CSN2: variants seen among roughly 807,000 people sequenced by gnomAD.
CSN2 encodes the protein beta-casein.
CSN2 carries 27 observed loss-of-function variants against 27.3 expected under a neutral mutation model. The ratio of observed to expected loss-of-function variants is 0.99; its 90% CI spans 0.73 to 1.36. The LOEUF (loss-of-function observed/expected upper bound fraction) is 1.36. CSN2 is among the 40% of genes most tolerant of loss of function. The pLI is 0.00. For synonymous variants in CSN2, 131 were observed against 94.8 expected (o/e 1.38, Z -2.22); for missense variants, 333 against 264.5 (o/e 1.26, Z -1.80).
At chr4:69,957,925 A>G (rs1473686236) in intron 5 of CSN2, 121 bp from the exon 6 acceptor site, 1 of 977,172 alleles carries the variant, frequency 1.0e-6, no homozygotes, top group African/African-American at 1.7e-5. Flanking sequence ...AAAATATTTC[A>G]CTTATTTTGG....
At chr4:69,964,713 A>G (rs1050572802) in intron 1 of CSN2, among the ~76,000 whole-genome samples, 11 of 150,596 alleles carry the variant, frequency 7.3e-5, no homozygotes, top group Non-Finnish European at 1.6e-4. Context: ...AGCATTTTCT[A>G]TATTTTATAA....
At chr4:69,962,016 C>T (rs2109747323) in intron 1 of CSN2, among the ~76,000 whole-genome samples, 1 of 152,188 alleles carries the variant, frequency 6.6e-6, no homozygotes, top group African/African-American at 2.4e-5. Context: ...CCTAGGAATC[C>T]AACTTACAAG....
intron 1 of CSN2, among the ~76,000 whole-genome samples, chr4:69,961,956 C>T (rs953457797): frequency 3.3e-5 from 5 of 152,034 alleles, no homozygotes; most frequent in Admixed American, 6.6e-5. Context: ...AACAGAGAGC[C>T]AAATCATGAG....
intron 3 of CSN2, 104 bp from the exon 4 acceptor site, chr4:69,959,173 A>C (rs1723492955): frequency 1.2e-5 from 10 of 855,862 alleles, no homozygotes; most frequent in South Asian, 2.0e-5. Context: ...TATCATTAAT[A>C]ACTTTGTATA....
rs1018911332 is a variant in CSN2 at position 69,955,454 on chromosome 4, T to A, written c.*175A>T. ...AATAGTTCATGAGTCAAATTTCAAA[T>A]TAAATGAATGACATAATATATAAAA... On this transcript the variant is annotated 3_prime_UTR_variant, in exon 8 of 8. Coordinates refer to ENST00000353151, the MANE Select transcript of CSN2 (RefSeq NM_001891.4). The A allele has an allele frequency of 1.3e-5, 2 of 152,460 alleles. No individual in the cohort carries two copies. The highest frequency in any genetic ancestry group is 2.4e-5 in the African/African-American group (1 of 41,426). 9.4% of individuals were successfully genotyped at this position (152,460 alleles called of 1,614,324 possible).
chr4:69,958,924 GTCCTCATGTTTAACCTTC>G lies in CSN2; in HGVS notation c.111_128del (p.Glu37_Glu42del). ...AACAAATTACCTCTCCTTGCTGCTG[GTCCTCATGTTTAACCTTC>G]TCAACTTTCTGCTAAAGATATATCA... On this transcript the variant is annotated inframe_deletion, in exon 5 of 8. Coordinates refer to ENST00000353151, the MANE Select transcript of CSN2 (RefSeq NM_001891.4). 1 of 1,593,444 alleles carries G rather than the reference GTCCTCATGTTTAACCTTC, an allele frequency of 6.3e-7. No individual in the cohort carries two copies. Among genetic ancestry groups the G allele is most frequent in the Non-Finnish European group, 8.6e-7 (1 of 1,165,276 alleles).
intron 1 of CSN2, among the ~76,000 whole-genome samples, chr4:69,964,352 A>G (rs1723722164): frequency 6.6e-6 from 1 of 151,998 alleles, no homozygotes; most frequent in African/African-American, 2.4e-5. Flanking sequence ...GTGTTCTTAC[A>G]TTTTTTTGTA....
chr4:69,960,116 C>T, intron 2 of CSN2, 37 bp from the exon 3 acceptor site: 5 of 1,591,256 alleles, frequency 3.1e-6, no homozygotes, highest in Non-Finnish European at 4.3e-6. Flanking sequence ...GCTAAATCTT[C>T]TAGATCATTA....
At chr4:69,962,258 A>G (rs1168477513) in intron 1 of CSN2, among the ~76,000 whole-genome samples, 3 of 152,210 alleles carry the variant, frequency 2.0e-5, no homozygotes, top group African/African-American at 7.2e-5. Flanking sequence ...GGAACCAAAA[A>G]AGAGGCCACA....
chr4:69,958,161 A>G (rs1002839479), intron 5 of CSN2, among the ~76,000 whole-genome samples: 5 of 152,128 alleles, frequency 3.3e-5, no homozygotes, highest in African/African-American at 1.2e-4. Context: ...CCAATAGTAG[A>G]CCAAATTGTT....
chr4:69,958,535 G>A (rs766942900), intron 5 of CSN2, among the ~76,000 whole-genome samples: 1 of 151,896 alleles, frequency 6.6e-6, no homozygotes, highest in Non-Finnish European at 1.5e-5. Flanking sequence ...AGGCAATATG[G>A]GACAAATTTT....
At chr4:69,956,289 A>G (rs1341826814) in intron 7 of CSN2, 25 bp downstream of exon 7, 8 of 1,350,250 alleles carry the variant, frequency 5.9e-6, no homozygotes, top group Admixed American at 5.8e-5. Flanking sequence ...ATGATCAATT[A>G]AATCTCCAAA....
chr4:69,957,502 C>T lies in CSN2; in HGVS notation c.447G>A (p.Leu149=), dbSNP rs376566334. 6.2e-7 allele frequency: 1 copy of T among 1,613,692 alleles called. No individual in the cohort carries two copies. The highest frequency in any genetic ancestry group is 1.3e-5 in the African/African-American group (1 of 74,864). Residue 149 remains leucine (L), a synonymous_variant, in exon 6 of 8, where the codon TTG becomes TTA. Transcript: ENST00000353151. ...LHLPLPLLQP[L]MQQVPQPIPQ... is the part of the protein sequence containing the mutation. ...GAATAGGCTGAGGGACCTGCTGCAT[C>T]AAGGGCTGGAGCAGAGGCAGAGGAA...
chr4:69,964,746 T>C (rs1037055276), intron 1 of CSN2, among the ~76,000 whole-genome samples: 16 of 149,982 alleles, frequency 1.1e-4, no homozygotes, highest in Non-Finnish European at 1.8e-4. Flanking sequence ...TTACTAGTTT[T>C]ATTACTAATC....
chr4:69,957,207 A>G, intron 6 of CSN2, 67 bp downstream of exon 6: 1 of 1,399,678 alleles, frequency 7.1e-7, no homozygotes, highest in Non-Finnish European at 9.7e-7. Context: ...CTCTACATTT[A>G]TTCTTTTATT....
At position 69,957,784 on chromosome 4, in the gene CSN2, G is replaced by C. The variant is rs770073906; in HGVS notation, c.165C>G (p.Ile55Met). The C allele has an allele frequency of 1.9e-5, 31 of 1,612,918 alleles. No individual in the cohort carries two copies. The highest frequency in any genetic ancestry group is 3.3e-4 in the Middle Eastern group (2 of 6,072). Reference protein sequence around the residue: ...QQGEDEHQDKIYPSFQPQPLI... With the variant: ...QQGEDEHQDKMYPSFQPQPLI... ...GAGGCTGTGGCTGGAAAGAGGGGTAGATTTTATCCTGGTGTTCATCCTGGA... is the reference window on the plus strand; with the variant it reads ...GAGGCTGTGGCTGGAAAGAGGGGTACATTTTATCCTGGTGTTCATCCTGGA... Residue 55 changes from isoleucine to methionine, a missense_variant, in exon 6 of 8, where the codon ATC becomes ATG. By Grantham distance (10) the Ile-to-Met change is conservative. Coordinates refer to ENST00000353151, the MANE Select transcript of CSN2 (RefSeq NM_001891.4).
chr4:69,959,125 A>G, intron 3 of CSN2, 56 bp from the exon 4 acceptor site: 4 of 1,154,650 alleles, frequency 3.5e-6, no homozygotes, highest in Non-Finnish European at 4.9e-6. Context: ...TTACTTTGCA[A>G]TATAAATCAG....
Position 69,959,048 on chromosome 4 carries a change from C to A in CSN2, c.99+1G>T. ...TGTACATTTTAAATGTGAAAATTTACCTTGTATTCTGTAATAGATTCCTAC... is the reference window on the plus strand; with the variant it reads ...TGTACATTTTAAATGTGAAAATTTAACTTGTATTCTGTAATAGATTCCTAC... On this transcript the variant is annotated splice_donor_variant, in intron 4 of 7. Coordinates refer to ENST00000353151, the MANE Select transcript of CSN2 (RefSeq NM_001891.4). LOFTEE classifies it high-confidence loss of function. 7.0e-7 allele frequency: 1 copy of A among 1,421,016 alleles called. No homozygotes were observed. The highest frequency in any genetic ancestry group is 9.7e-7 in the Non-Finnish European group (1 of 1,029,444). 88.0% of individuals were successfully genotyped at this position (1,421,016 alleles called of 1,614,324 possible).
chr4:69,955,988 C>T lies in CSN2; in HGVS notation c.*36+326G>A, dbSNP rs1723384322. On this transcript the variant is annotated intron_variant, in intron 7 of 7. Coordinates refer to ENST00000353151, the MANE Select transcript of CSN2 (RefSeq NM_001891.4). Reference sequence around the variant, plus strand: ...AATGCAAATAGGCTTTTGACAAAAGCTCAAATGTATTTCCATAAAAGTAAA... The same window carrying T: ...AATGCAAATAGGCTTTTGACAAAAGTTCAAATGTATTTCCATAAAAGTAAA... 2.0e-5 allele frequency among the ~76,000 whole-genome samples: 3 copies of T among 151,986 alleles called. No individual in the cohort carries two copies. In the South Asian group the frequency reaches 6.2e-4, roughly 31 times the overall value.
Sources: allele counts gnomAD v4.1 joint callset (sites outside exome capture counted in the v4.1 genomes callset), GRCh38; gene constraint gnomAD v4.1.1; transcripts MANE v1.5; gene names NCBI Gene and HGNC (gene_info 2026-07-23, HGNC 2026-07-21).